The following GDAP1 variants were observed in gnomAD, a reference collection of about 807,000 sequenced individuals.
GDAP1 encodes the protein ganglioside induced differentiation associated protein 1.
A neutral mutation model predicts 40.1 loss-of-function variants in GDAP1; 34 were observed. The observed-to-expected ratio is 0.85, with a 90% CI of 0.64 to 1.13. The LOEUF (loss-of-function observed/expected upper bound fraction) is 1.13, where lower values mean the gene tolerates loss of function less well. Among genes scored for constraint, GDAP1 ranks in the 50% most tolerant of loss-of-function variants. The pLI is 0.00. For missense variants in GDAP1, 374 were observed against 433.7 expected, an observed-to-expected ratio of 0.86 and a Z score of 1.22; for synonymous variants, 170 against 157.4, an observed-to-expected ratio of 1.08 and a Z score of -0.60.
chr8:74,408,759 A>G (rs189594042), intron 2 of GDAP1, among the ~76,000 whole-genome samples: 2 of 150,218 alleles, frequency 1.3e-5, no homozygotes, highest in Admixed American at 1.3e-4. Context: ...GAGCCCCTGT[A>G]TTGAATTCTC....
At chr8:74,401,993 G>T (rs1810350451) in intron 2 of GDAP1, among the ~76,000 whole-genome samples, 1 of 150,270 alleles carries the variant, frequency 6.7e-6, no homozygotes, top group Non-Finnish European at 1.5e-5. Context: ...GGCTGCTCAG[G>T]GGTCAGGGGT....
chr8:74,388,152 G>T (rs1172208041), intron 2 of GDAP1, among the ~76,000 whole-genome samples: 1 of 151,864 alleles, frequency 6.6e-6, no homozygotes, highest in Non-Finnish European at 1.5e-5. Context: ...TTCTTTGAAG[G>T]GTTTTTCGTG....
At chr8:74,358,722 A>G (rs925959258) in intron 2 of GDAP1, among the ~76,000 whole-genome samples, 5 of 152,210 alleles carry the variant, frequency 3.3e-5, no homozygotes, top group East Asian at 1.9e-4. Flanking sequence ...GTTTTAGGAA[A>G]ACCCAGGGAT....
intron 2 of GDAP1, among the ~76,000 whole-genome samples, chr8:74,471,344 A>G (rs1304516045): frequency 1.3e-5 from 2 of 151,832 alleles, no homozygotes; most frequent in Non-Finnish European, 2.9e-5. Context: ...TTTTCACTTC[A>G]TCTTTTTTCC....
chr8:74,398,706 A>T (rs930788826), intron 2 of GDAP1, among the ~76,000 whole-genome samples: 21 of 152,082 alleles, frequency 1.4e-4, no homozygotes, highest in Non-Finnish European at 2.8e-4. Flanking sequence ...AGCTCTTGTT[A>T]TTTTGAGATG....
At chr8:74,391,997 T>A (rs1810117670) in intron 2 of GDAP1, among the ~76,000 whole-genome samples, 1 of 152,074 alleles carries the variant, frequency 6.6e-6, no homozygotes, top group Non-Finnish European at 1.5e-5. Flanking sequence ...TTTTGTATTT[T>A]TAGTAGAGAT....
chr8:74,389,533 G>T (rs549193872), intron 2 of GDAP1, among the ~76,000 whole-genome samples: 10 of 152,286 alleles, frequency 6.6e-5, no homozygotes, highest in Admixed American at 1.3e-4. Flanking sequence ...TAGTGTTTCT[G>T]CAGAGACATC....
At chr8:74,432,020 C>T (rs1806033331) in intron 2 of GDAP1, among the ~76,000 whole-genome samples, 1 of 152,134 alleles carries the variant, frequency 6.6e-6, no homozygotes. Flanking sequence ...ACACGGTAAG[C>T]AACAATAAAT....
chr8:74,413,887 A>G (rs1414300618), intron 2 of GDAP1, among the ~76,000 whole-genome samples: 1 of 149,870 alleles, frequency 6.7e-6, no homozygotes, highest in Non-Finnish European at 1.5e-5. Context: ...GAGCAATTTC[A>G]GAGAGGGAGA....
At position 74,366,625 on chromosome 8, in the gene GDAP1, A is replaced by G. The variant is rs1435563103; in HGVS notation, c.*2258A>G. On this transcript the variant is annotated 3_prime_UTR_variant, in exon 6 of 6. Coordinates refer to ENST00000220822, the MANE Select transcript of GDAP1 (RefSeq NM_018972.4). ...AATATCACAATTAGAAAAATGCCTG[A>G]GGTACTAAAGTTATGTTGGCTTTTT... The G allele has an allele frequency of 4.4e-6, 2 of 453,806 alleles. No individual in the cohort carries two copies. The highest frequency in any genetic ancestry group is 6.9e-5 in the East Asian group (1 of 14,406). The allele number at this position is 453,806 out of a possible 1,614,324, so 28.1% of individuals were successfully genotyped here.
At chr8:74,467,220 C>T (rs920751825) in intron 2 of GDAP1, among the ~76,000 whole-genome samples, 1 of 152,070 alleles carries the variant, frequency 6.6e-6, no homozygotes, top group Admixed American at 6.5e-5. Context: ...GAATAGCTGT[C>T]TTAGAGAGTG....
chr8:74,422,766 C>T (rs1157501936), intron 2 of GDAP1, among the ~76,000 whole-genome samples: 1 of 151,750 alleles, frequency 6.6e-6, no homozygotes, highest in Non-Finnish European at 1.5e-5. Context: ...CACTGTTTCT[C>T]TTCTAGGTAC....
chr8:74,442,454 C>G (rs1362495409), intron 2 of GDAP1, among the ~76,000 whole-genome samples: 1 of 152,196 alleles, frequency 6.6e-6, no homozygotes, highest in African/African-American at 2.4e-5. Flanking sequence ...TGGGTTGCCA[C>G]TCCATTCCTG....
intron 2 of GDAP1, among the ~76,000 whole-genome samples, chr8:74,465,606 A>G (rs1806459346): frequency 6.6e-6 from 1 of 152,214 alleles, no homozygotes; most frequent in Admixed American, 6.5e-5. Flanking sequence ...TCTGCTTAAA[A>G]TAACCTCAAG....
chr8:74,399,697 A>T, intron 2 of GDAP1, among the ~76,000 whole-genome samples: 1 of 119,992 alleles, frequency 8.3e-6, no homozygotes, highest in Non-Finnish European at 1.6e-5. Flanking sequence ...AGTGCTATAA[A>T]TTTCCCTCTA....
intron 2 of GDAP1, among the ~76,000 whole-genome samples, chr8:74,433,113 C>T (rs1469273207): frequency 6.6e-6 from 1 of 152,150 alleles, no homozygotes; most frequent in Non-Finnish European, 1.5e-5. Context: ...GTGGTTGGTG[C>T]CTGCTCATTA....
chr8:74,421,898 A>G (rs1044624404), intron 2 of GDAP1, among the ~76,000 whole-genome samples: 2 of 152,210 alleles, frequency 1.3e-5, no homozygotes, highest in African/African-American at 2.4e-5. Flanking sequence ...CTCATGTGAC[A>G]TTAGATCACA....
chr8:74,454,858 T>C (rs566546162), intron 2 of GDAP1, among the ~76,000 whole-genome samples: 57 of 151,452 alleles, frequency 3.8e-4, no homozygotes, highest in Middle Eastern at 3.2e-3. Flanking sequence ...GGGATAGACA[T>C]ATTTGAAACC....
chr8:74,362,589 C>T (rs1300918012), intron 4 of GDAP1, among the ~76,000 whole-genome samples: 1 of 152,152 alleles, frequency 6.6e-6, no homozygotes, highest in Non-Finnish European at 1.5e-5. Context: ...ATCCCTGACC[C>T]TTCAGCTACT....
Sources: gnomAD v4.1 joint callset for allele counts (sites outside exome capture counted in the v4.1 genomes callset) on GRCh38, gnomAD v4.1.1 for gene constraint, MANE v1.5 for transcripts, NCBI Gene and HGNC (gene_info 2026-07-23, HGNC 2026-07-21) for gene names.